The following IL23R variants were observed in gnomAD, a reference collection of about 807,000 sequenced individuals.
IL23R encodes interleukin 23 receptor, also known as interleukin-23 receptor.
IL23R carries 34 observed loss-of-function variants against 56.9 expected under a neutral mutation model. The observed-to-expected ratio is 0.60, with a 90% CI of 0.45 to 0.80. IL23R has a LOEUF of 0.80. IL23R is among the 30% of genes least tolerant of loss of function. IL23R has a pLI of 0.00. For synonymous variants in IL23R, 230 were observed against 249.2 expected, an observed-to-expected ratio of 0.92 and a Z score of 0.73; for missense variants, 635 against 730.0, an observed-to-expected ratio of 0.87 and a Z score of 1.50.
chr1:67,210,130 A>G (rs1309471432), intron 6 of IL23R, among the ~76,000 whole-genome samples: 1 of 152,230 alleles, frequency 6.6e-6, no homozygotes, highest in African/African-American at 2.4e-5. Flanking sequence ...AGATGATGAT[A>G]ATCCGAGTAA....
chr1:67,239,463 C>T (rs1651715582), intron 8 of IL23R, among the ~76,000 whole-genome samples: 1 of 152,194 alleles, frequency 6.6e-6, no homozygotes, highest in East Asian at 1.9e-4. Context: ...GGAGTTCTCA[C>T]TTTGTTGCCC....
intron 7 of IL23R, among the ~76,000 whole-genome samples, chr1:67,232,824 G>A (rs951519078): frequency 5.3e-5 from 8 of 152,086 alleles, no homozygotes; most frequent in Admixed American, 2.6e-4. Flanking sequence ...CCCATGAGTC[G>A]CGGGAGGTAA....
chr1:67,201,625 A>C (rs1453823578), intron 5 of IL23R, among the ~76,000 whole-genome samples: 1 of 151,384 alleles, frequency 6.6e-6, no homozygotes, highest in Non-Finnish European at 1.5e-5. Context: ...AAAGTACAGC[A>C]TGCTAAATTC....
intron 9 of IL23R, among the ~76,000 whole-genome samples, chr1:67,247,266 G>T (rs375919037): frequency 3.3e-5 from 5 of 149,894 alleles, no homozygotes; most frequent in Non-Finnish European, 5.9e-5. Flanking sequence ...TATCCAATTT[G>T]CCAGTCTGTG....
intron 5 of IL23R, among the ~76,000 whole-genome samples, chr1:67,201,772 C>A (rs1179884658): frequency 6.6e-6 from 1 of 152,082 alleles, no homozygotes; most frequent in Non-Finnish European, 1.5e-5. Flanking sequence ...CCAGATTTAA[C>A]AAACATTAAT....
intron 1 of IL23R, among the ~76,000 whole-genome samples, chr1:67,153,345 T>C (rs1361034244): frequency 6.6e-6 from 1 of 152,176 alleles, no homozygotes; most frequent in African/African-American, 2.4e-5. Flanking sequence ...TCTTTTCTTC[T>C]TTATTACTCT....
chr1:67,161,377 C>T (rs1382406310), intron 1 of IL23R, among the ~76,000 whole-genome samples: 1 of 151,984 alleles, frequency 6.6e-6, no homozygotes, highest in Non-Finnish European at 1.5e-5. Flanking sequence ...ATATAATATA[C>T]TCCTCCTAAA....
At position 67,229,095 on chromosome 1, in the gene IL23R, C is replaced by T. The variant is rs77763012; in HGVS notation, c.956-7618C>T. Among the ~76,000 whole-genome samples, 602 of 152,328 alleles carry T rather than the reference C, an allele frequency of 4.0e-3. 1 individual carries two copies. Among genetic ancestry groups the T allele is most frequent in the African/African-American group, 0.014 (584 of 41,586 alleles). On this transcript the variant is annotated intron_variant, in intron 7 of 10. Coordinates refer to ENST00000347310, the MANE Select transcript of IL23R (RefSeq NM_144701.3). ...CAGCTGTGTGTCCTCCAAGTCAATT[C>T]ATTCTGGCACTATCTGCCTAGACAT... is the stretch of plus-strand genomic sequence containing the variant.
In IL23R at chr1:67,228,108, CTCTCTT is replaced by C. The variant is rs1558254356; in HGVS notation, c.955+8382_955+8387del. Among the ~76,000 whole-genome samples, 40 of 47,010 alleles carry C rather than the reference CTCTCTT, an allele frequency of 8.5e-4. 4 individuals carry two copies. The highest frequency in any genetic ancestry group is 7.9e-3 in the South Asian group (19 of 2,406). 30.8% of individuals were successfully genotyped at this position (47,010 alleles called of 152,430 possible). ...TTTCTTTCTTTCTTTCTTTCTTTCTCTCTCTTTCTTTCTTTCTTTCCTTCTTTCTTT... is the reference window on the plus strand; with the variant it reads ...TTTCTTTCTTTCTTTCTTTCTTTCTCTCTTTCTTTCTTTCCTTCTTTCTTT... On this transcript the variant is annotated intron_variant, in intron 7 of 10. Transcript: ENST00000347310.
At position 67,200,681 on chromosome 1, in the gene IL23R, G is replaced by T. The variant is rs563779226; in HGVS notation, c.492-56G>T. 2.4e-5 allele frequency: 37 copies of T among 1,573,882 alleles called. No homozygotes were observed. In the African/African-American group the frequency reaches 4.6e-4, roughly 20 times the overall value. ...ATTACAGGTGTGAGCCACCATGCCT[G>T]GCCAATTAATTCAAACTAAATACAA... On this transcript the variant is annotated intron_variant, in intron 4 of 10. Transcript: ENST00000347310.
chr1:67,190,432 G>A (rs1426879675), intron 4 of IL23R, among the ~76,000 whole-genome samples: 39 of 139,078 alleles, frequency 2.8e-4, no homozygotes, highest in South Asian at 4.5e-4. Context: ...TAATGATAGG[G>A]AAAAAAAAAA....
At chr1:67,239,297 T>A (rs891455569) in intron 8 of IL23R, among the ~76,000 whole-genome samples, 2 of 152,246 alleles carry the variant, frequency 1.3e-5, no homozygotes. Context: ...ACAGTCTGGC[T>A]CTGTCGCCCA....
chr1:67,218,951 A>C (rs1232510030), intron 6 of IL23R, among the ~76,000 whole-genome samples: 1 of 151,154 alleles, frequency 6.6e-6, no homozygotes, highest in Admixed American at 6.6e-5. Context: ...AATAAAAAAT[A>C]TATATATACA....
At chr1:67,148,903 GT>G (rs1646705104) in intron 1 of IL23R, among the ~76,000 whole-genome samples, 1 of 152,094 alleles carries the variant, frequency 6.6e-6, no homozygotes, top group African/African-American at 2.4e-5. Context: ...TGAGATCTGG[GT>G]TCCTAAGACC....
chr1:67,160,812 G>A (rs1350425063), intron 1 of IL23R, among the ~76,000 whole-genome samples: 3 of 152,126 alleles, frequency 2.0e-5, no homozygotes. Flanking sequence ...CTCCTGAGAA[G>A]CAGCTAAGAC....
intron 1 of IL23R, among the ~76,000 whole-genome samples, chr1:67,150,317 A>AT (rs1176430779): frequency 7.1e-6 from 1 of 140,340 alleles, no homozygotes; most frequent in Admixed American, 7.7e-5. Context: ...GGTTCATTAC[A>AT]TAGGTATACA....
At chr1:67,177,125 A>G (rs1196850502) in intron 3 of IL23R, among the ~76,000 whole-genome samples, 2 of 152,214 alleles carry the variant, frequency 1.3e-5, no homozygotes, top group African/African-American at 2.4e-5. Flanking sequence ...TCCTTTGGGT[A>G]TATACTCAGT....
At chr1:67,255,806 C>A in intron 9 of IL23R, 31 bp from the exon 10 acceptor site, 2 of 1,079,180 alleles carry the variant, frequency 1.9e-6, no homozygotes, top group Non-Finnish European at 2.9e-6. Context: ...TGATTGCCTG[C>A]TTCTTCTAAC....
chr1:67,256,576 T>C lies in IL23R; in HGVS notation c.1239+649T>C, dbSNP rs1291809647. 2.0e-5 allele frequency among the ~76,000 whole-genome samples: 3 copies of C among 152,040 alleles called. No individual in the cohort carries two copies. The East Asian group carries it at 5.8e-4, about 29-fold the overall frequency. On this transcript the variant is annotated intron_variant, in intron 10 of 10. Coordinates refer to ENST00000347310, the MANE Select transcript of IL23R (RefSeq NM_144701.3). ...GGCTGTCAAGGGGCTCAAAACCCAG[T>C]CCAAGGGACAAACACATCATCCAAG...
Sources: allele counts gnomAD v4.1 joint callset (sites outside exome capture counted in the v4.1 genomes callset), GRCh38; gene constraint gnomAD v4.1.1; transcripts MANE v1.5; gene names NCBI Gene and HGNC (gene_info 2026-07-23, HGNC 2026-07-21).